Variants in CREBBP observed in about 807,000 individuals in gnomAD.
CREBBP encodes the protein CREB binding lysine acetyltransferase, also known as CREB-binding protein.
Under a neutral mutation model 265.0 loss-of-function variants are expected in CREBBP, and 19 were observed. That is an observed-to-expected ratio of 0.07 (90% CI 0.05 to 0.11). The LOEUF is 0.11. Ranked by LOEUF, CREBBP falls within the 10% of genes least tolerant of loss-of-function variation. CREBBP has a pLI of 1.00. For synonymous variants in CREBBP, 1,457 were observed against 1,223.7 expected, an observed-to-expected ratio of 1.19 and a Z score of -3.98; for missense variants, 2,525 against 3,219.0, an observed-to-expected ratio of 0.78 and a Z score of 5.22.
chr16:3,756,370 G>A (rs186352535), intron 19 of CREBBP, among the ~76,000 whole-genome samples: 5 of 152,160 alleles, frequency 3.3e-5, no homozygotes, highest in Admixed American at 6.5e-5. Context: ...TACACGCTGC[G>A]GTACAGATAA....
rs182276087 is a variant in CREBBP at position 3,741,491 on chromosome 16, C to T, written c.3983-942G>A. ...GGTGCTGATTTTTGGATAAGTTGTA[C>T]CTGAATAAAAATGATTTAAAAAGAA... On this transcript the variant is annotated intron_variant, in intron 23 of 30. Coordinates refer to ENST00000262367, the MANE Select transcript of CREBBP (RefSeq NM_004380.3). The T allele has an allele frequency of 3.9e-5, 6 of 152,236 alleles. No individual in the cohort carries two copies. In the East Asian group the frequency reaches 5.8e-4, roughly 15 times the overall value. 9.4% of individuals were successfully genotyped at this position (152,236 alleles called of 1,614,324 possible).
intron 1 of CREBBP, among the ~76,000 whole-genome samples, chr16:3,851,598 T>C (rs79563959): frequency 6.6e-6 from 1 of 152,128 alleles, no homozygotes; most frequent in East Asian, 1.9e-4. Context: ...CTCAAGCCTG[T>C]AATCCCAGCA....
chr16:3,740,283 G>T, intron 24 of CREBBP, 116 bp downstream of exon 24: 1 of 1,296,008 alleles, frequency 7.7e-7, no homozygotes, highest in Non-Finnish European at 1.1e-6. Flanking sequence ...GCACGCATTC[G>T]CTGCTGCAAA....
chr16:3,762,919 C>T (rs1039748924), intron 16 of CREBBP, among the ~76,000 whole-genome samples: 24 of 151,956 alleles, frequency 1.6e-4, no homozygotes, highest in Admixed American at 1.2e-3. Context: ...GGACTACAGG[C>T]GCCTGTCACC....
intron 1 of CREBBP, among the ~76,000 whole-genome samples, chr16:3,874,986 A>C (rs2055370425): frequency 6.6e-6 from 1 of 152,194 alleles, no homozygotes; most frequent in Non-Finnish European, 1.5e-5. Flanking sequence ...CATTTTCCTA[A>C]CTGTTTTCAA....
At position 3,787,070 on chromosome 16, in the gene CREBBP, C is replaced by CAAAAA. The variant is rs757962926; in HGVS notation, c.1331-4149_1331-4145dup. Among the ~76,000 whole-genome samples the CAAAAA allele has an allele frequency of 9.2e-5, 8 of 86,990 alleles. No individual in the cohort carries two copies. The South Asian group carries it at 2.0e-3, about 22-fold the overall frequency. The allele number at this position is 86,990 out of a possible 152,430, so 57.1% of individuals were successfully genotyped here. A position where few individuals can be genotyped will look rare whatever the true frequency, so the allele number is the denominator to read the frequency against. On this transcript the variant is annotated intron_variant, in intron 5 of 30. Coordinates refer to ENST00000262367, the MANE Select transcript of CREBBP (RefSeq NM_004380.3). ...TGGGCGACAGAGTGAGACTTCGTCT[C>CAAAAA]AAAAAAAAAAAAAAAAGAATTTATT...
intron 2 of CREBBP, 104 bp downstream of exon 2, chr16:3,850,192 CA>C: frequency 8.9e-7 from 1 of 1,129,228 alleles, no homozygotes; most frequent in Non-Finnish European, 1.4e-6. Flanking sequence ...GTGGAGAGCC[CA>C]AGAGGAAAAA....
rs2051769984 is a variant in CREBBP, at chr16:3,727,320, A to C, written c.*398T>G. The C allele has an allele frequency of 3.8e-6, 1 of 265,638 alleles. No individual in the cohort carries two copies. The highest frequency in any genetic ancestry group is 7.2e-6 in the Non-Finnish European group (1 of 138,268). The allele number at this position is 265,638 out of a possible 1,614,324, so 16.5% of individuals were successfully genotyped here. ...AGTTCTGAATATTATTTTTCTTCTT[A>C]CTTTTAAACATAAATGTTTAAAGTC... is the stretch of plus-strand genomic sequence containing the variant. On this transcript the variant is annotated 3_prime_UTR_variant, in exon 31 of 31. Coordinates refer to ENST00000262367, the MANE Select transcript of CREBBP (RefSeq NM_004380.3).
intron 1 of CREBBP, among the ~76,000 whole-genome samples, chr16:3,859,862 CATA>C (rs986764465): frequency 6.6e-6 from 1 of 152,204 alleles, no homozygotes; most frequent in Non-Finnish European, 1.5e-5. Context: ...TGGTATCCTT[CATA>C]ATATCCTTTA....
At chr16:3,839,296 A>C (rs1261248602) in intron 2 of CREBBP, among the ~76,000 whole-genome samples, 1 of 152,202 alleles carries the variant, frequency 6.6e-6, no homozygotes, top group Non-Finnish European at 1.5e-5. Context: ...CGCTATTACT[A>C]CTGCTGCTGC....
At position 3,794,281 on chromosome 16, in the gene CREBBP, G is replaced by A. The variant is rs188580132; in HGVS notation, c.976-655C>T. On this transcript the variant is annotated intron_variant, in intron 3 of 30. Coordinates refer to ENST00000262367, the MANE Select transcript of CREBBP (RefSeq NM_004380.3). ...CGGGAGGCGGAGCTTGCAGTGAGCT[G>A]AGATGGCGCCACCGCACTCCAGCCT... 7.8e-3 allele frequency among the ~76,000 whole-genome samples: 1,024 copies of A among 130,910 alleles called. 11 individuals are homozygous for A. Among genetic ancestry groups the A allele is most frequent in the Middle Eastern group, 0.026 (5 of 196 alleles). 85.9% of individuals were successfully genotyped at this position (130,910 alleles called of 152,430 possible).
Position 3,728,485 on chromosome 16 carries a change from G to C in CREBBP, c.6562C>G (p.Gln2188Glu), listed in dbSNP as rs2151303185. ...HNPNMASMNP[Q>E]YREMLRRQLL... ...TGCCTCCGTAACATTTCTCGGTACTGTGGATTCATACTCGCCATGTTGGGG... is the reference window on the plus strand; with the variant it reads ...TGCCTCCGTAACATTTCTCGGTACTCTGGATTCATACTCGCCATGTTGGGG... The change falls in exon 31 of 31, where the codon CAG becomes GAG. Residue 2188 changes from glutamine to glutamate, a missense_variant. This residue lies in a region of CREBBP where 473 missense variants were observed against 459.3 expected (regional missense o/e 1.03). Coordinates refer to ENST00000262367, the MANE Select transcript of CREBBP (RefSeq NM_004380.3). The surrounding 1 kb of genome is among the most constrained non-coding windows in gnomAD (Gnocchi z 8.7). 6.2e-7 allele frequency: 1 copy of C among 1,614,096 alleles called. No homozygotes were observed. Among genetic ancestry groups the C allele is most frequent in the Non-Finnish European group, 8.5e-7 (1 of 1,180,018 alleles).
rs757477780 is a variant in CREBBP, at chr16:3,782,937, A to G, written c.1331-11T>C. The G allele has an allele frequency of 6.2e-7, 1 of 1,613,666 alleles. No homozygotes were observed. On this transcript the variant is annotated splice_polypyrimidine_tract_variant and intron_variant, in intron 5 of 30. Transcript: ENST00000262367. ...GAGACCCCAGGATGGCTATAACGAC[A>G]AACAGACAGACAGACAAAAACGAGA... is the stretch of plus-strand genomic sequence containing the variant.
intron 2 of CREBBP, among the ~76,000 whole-genome samples, chr16:3,825,318 T>C (rs1229404421): frequency 6.6e-6 from 1 of 152,180 alleles, no homozygotes; most frequent in Admixed American, 6.5e-5. Context: ...ACTTAGTAAA[T>C]AAAAATGCAA....
intron 2 of CREBBP, among the ~76,000 whole-genome samples, chr16:3,828,864 A>C (rs1202314037): frequency 6.6e-6 from 1 of 152,234 alleles, no homozygotes; most frequent in East Asian, 1.9e-4. Flanking sequence ...TCACAGGATT[A>C]TTAAAAATGA....
intron 2 of CREBBP, among the ~76,000 whole-genome samples, chr16:3,838,724 T>C (rs1164836313): frequency 1.3e-5 from 2 of 152,162 alleles, no homozygotes; most frequent in Non-Finnish European, 2.9e-5. Flanking sequence ...CATCAACTTT[T>C]TAAAAGTTGA....
chr16:3,767,558 A>T, intron 16 of CREBBP, 162 bp downstream of exon 16: 1 of 930,474 alleles, frequency 1.1e-6, no homozygotes, highest in Non-Finnish European at 1.6e-6. Context: ...GGTCCTGCTC[A>T]GCCTGAGTGT....
rs1479736868 is a variant in CREBBP at position 3,818,334 on chromosome 16, T to C, written c.799-7555A>G. Among the ~76,000 whole-genome samples the C allele has an allele frequency of 3.1e-5, 4 of 129,542 alleles. No homozygotes were observed. In the East Asian group the frequency reaches 8.7e-4, roughly 28 times the overall value. 85.0% of individuals were successfully genotyped at this position (129,542 alleles called of 152,430 possible). ...TTTTTTTTTTTTTTTTGAGATGGAG[T>C]CTCACTCTTGTTGCCCAGGCTGGAG... is the stretch of plus-strand genomic sequence containing the variant. On this transcript the variant is annotated intron_variant, in intron 2 of 30. Coordinates refer to ENST00000262367, the MANE Select transcript of CREBBP (RefSeq NM_004380.3).
At chr16:3,817,382 T>C (rs887374481) in intron 2 of CREBBP, among the ~76,000 whole-genome samples, 2 of 152,188 alleles carry the variant, frequency 1.3e-5, no homozygotes, top group Non-Finnish European at 2.9e-5. Flanking sequence ...TGTAATGATA[T>C]GACAGCTATC....
Sources: gnomAD v4.1 joint callset for allele counts (sites outside exome capture counted in the v4.1 genomes callset) on GRCh38, gnomAD v4.1.1 for gene constraint, gnomAD v4.1.1 regional missense constraint, Gnocchi (gnomAD v3.1) non-coding constraint, MANE v1.5 for transcripts, NCBI Gene and HGNC (gene_info 2026-07-23, HGNC 2026-07-21) for gene names.